ENTHD1: variants seen among roughly 807,000 people sequenced by gnomAD.
ENTHD1 encodes the protein ENTH domain-containing protein 1.
A neutral mutation model predicts 39.1 loss-of-function variants in ENTHD1; 23 were observed. The ratio of observed to expected loss-of-function variants is 0.59; its 90% CI spans 0.42 to 0.83. The LOEUF (loss-of-function observed/expected upper bound fraction) is 0.83, where lower values mean the gene tolerates loss of function less well. ENTHD1 is among the 40% of genes least tolerant of loss of function. ENTHD1 has a pLI of 0.00. For synonymous variants in ENTHD1, 230 were observed against 258.2 expected (o/e 0.89, Z 1.05); for missense variants, 624 against 705.4 (o/e 0.88, Z 1.31).
At chr22:39,790,508 C>A (rs1437270073) in intron 5 of ENTHD1, among the ~76,000 whole-genome samples, 3 of 152,170 alleles carry the variant, frequency 2.0e-5, no homozygotes. Flanking sequence ...CTGCTGAGGT[C>A]TTTCTGCCCT....
intron 5 of ENTHD1, among the ~76,000 whole-genome samples, chr22:39,788,984 A>G (rs2065482036): frequency 6.6e-6 from 1 of 152,212 alleles, no homozygotes. Context: ...CATAACTTCT[A>G]CATGCAGTGG....
intron 5 of ENTHD1, 104 bp from the exon 6 acceptor site, chr22:39,765,713 A>G (rs1485300467): frequency 4.2e-6 from 5 of 1,176,698 alleles, no homozygotes; most frequent in Non-Finnish European, 5.8e-6. Flanking sequence ...ATGTCATAAC[A>G]GAATTCTTTC....
chr22:39,771,010 C>T (rs1253891822), intron 5 of ENTHD1, among the ~76,000 whole-genome samples: 2 of 152,160 alleles, frequency 1.3e-5, no homozygotes, highest in Non-Finnish European at 2.9e-5. Flanking sequence ...GATGTTTGAG[C>T]ATCACGTAGT....
chr22:39,750,968 T>C (rs1330999962), intron 6 of ENTHD1: 1 of 153,736 alleles, frequency 6.5e-6, no homozygotes, highest in Non-Finnish European at 1.5e-5. Flanking sequence ...AAAGATGTTC[T>C]AAACATGTTG....
intron 5 of ENTHD1, among the ~76,000 whole-genome samples, chr22:39,772,611 G>A (rs988562951): frequency 1.3e-5 from 2 of 152,108 alleles, no homozygotes; most frequent in African/African-American, 4.8e-5. Flanking sequence ...GACAAAACAA[G>A]GAGAAAGTAA....
intron 2 of ENTHD1, among the ~76,000 whole-genome samples, chr22:39,864,731 C>G (rs765070272): frequency 6.6e-6 from 1 of 152,002 alleles, no homozygotes; most frequent in Non-Finnish European, 1.5e-5. Flanking sequence ...GTCTCTACTA[C>G]AAACACAAAA....
intron 6 of ENTHD1, among the ~76,000 whole-genome samples, chr22:39,749,669 G>T (rs1392154617): frequency 6.6e-6 from 1 of 152,178 alleles, no homozygotes; most frequent in Non-Finnish European, 1.5e-5. Context: ...TTTCCTAGCT[G>T]ATATACAATG....
intron 6 of ENTHD1, among the ~76,000 whole-genome samples, chr22:39,746,433 T>G (rs1251208071): frequency 6.6e-6 from 1 of 152,166 alleles, no homozygotes; most frequent in Non-Finnish European, 1.5e-5. Flanking sequence ...CCCTTCATAG[T>G]GTATGTTTCC....
intron 5 of ENTHD1, among the ~76,000 whole-genome samples, chr22:39,813,103 G>A (rs2065706459): frequency 6.6e-6 from 1 of 152,094 alleles, no homozygotes; most frequent in Non-Finnish European, 1.5e-5. Context: ...TCTTCACAGG[G>A]AGAGACACAT....
Position 39,743,456 on chromosome 22 carries a change from CTAA to C in ENTHD1, c.*220_*222del, listed in dbSNP as rs2065074985. 2.1e-6 allele frequency: 1 copy of C among 470,884 alleles called. No individual in the cohort carries two copies. The highest frequency in any genetic ancestry group is 4.0e-5 in the Admixed American group (1 of 25,282). 29.2% of individuals were successfully genotyped at this position (470,884 alleles called of 1,614,324 possible). Reference sequence around the variant, plus strand: ...GAAATTCTCTTCTGTTTCAAATGAACTAATATCTAAATCTGAAATTATCAAAGG... The same window carrying C: ...GAAATTCTCTTCTGTTTCAAATGAACTATCTAAATCTGAAATTATCAAAGG... On this transcript the variant is annotated 3_prime_UTR_variant, in exon 7 of 7. Coordinates refer to ENST00000325157, the MANE Select transcript of ENTHD1 (RefSeq NM_152512.4).
chr22:39,763,016 G>A (rs1022265017), intron 6 of ENTHD1, among the ~76,000 whole-genome samples: 1 of 151,786 alleles, frequency 6.6e-6, no homozygotes, highest in Non-Finnish European at 1.5e-5. Flanking sequence ...GGATTGAATT[G>A]TCTTCTGGAA....
At chr22:39,818,554 T>C (rs758446895) in intron 5 of ENTHD1, among the ~76,000 whole-genome samples, 4 of 152,338 alleles carry the variant, frequency 2.6e-5, no homozygotes, top group Middle Eastern at 3.4e-3. Flanking sequence ...GCCCATAGTC[T>C]GGCTGGGACC....
chr22:39,746,998 C>CT (rs953650536), intron 6 of ENTHD1, among the ~76,000 whole-genome samples: 4 of 151,960 alleles, frequency 2.6e-5, no homozygotes, highest in East Asian at 1.9e-4. Context: ...TTTGTTTTTT[C>CT]TTTTTTTTAG....
At chr22:39,812,457 T>C (rs2065696324) in intron 5 of ENTHD1, among the ~76,000 whole-genome samples, 1 of 152,212 alleles carries the variant, frequency 6.6e-6, no homozygotes, top group Non-Finnish European at 1.5e-5. Flanking sequence ...GCACACAATG[T>C]GAAGATATTT....
chr22:39,755,892 C>T (rs1351387701), intron 6 of ENTHD1, among the ~76,000 whole-genome samples: 1 of 152,130 alleles, frequency 6.6e-6, no homozygotes, highest in Non-Finnish European at 1.5e-5. Flanking sequence ...AGATACTGAC[C>T]TGCAAGAGGT....
intron 3 of ENTHD1, among the ~76,000 whole-genome samples, chr22:39,839,606 T>G (rs1305141514): frequency 6.6e-6 from 1 of 152,238 alleles, no homozygotes; most frequent in African/African-American, 2.4e-5. Context: ...AGTGAATAAT[T>G]AAAATGAGCT....
rs554573128 is a variant in ENTHD1 at position 39,771,474 on chromosome 22, A to AAAAAC, written c.833-5870_833-5866dup. Among the ~76,000 whole-genome samples, 856 of 152,302 alleles carry AAAAAC rather than the reference A, an allele frequency of 5.6e-3. 3 individuals are homozygous for AAAAAC. Among genetic ancestry groups the AAAAAC allele is most frequent in the Admixed American group, 0.01 (158 of 15,296 alleles). On this transcript the variant is annotated intron_variant, in intron 5 of 6. Transcript: ENST00000325157. ...ACTGGAAAGGGGAGAAATCTGGTTA[A>AAAAAC]AAAACAAAACAAAACAAAACAAACA...
intron 6 of ENTHD1, among the ~76,000 whole-genome samples, chr22:39,749,231 C>T (rs961120898): frequency 3.9e-5 from 6 of 152,326 alleles, no homozygotes; most frequent in Admixed American, 2.0e-4. Flanking sequence ...TGCCCAGGCT[C>T]ACTACAGAAG....
chr22:39,862,819 G>A (rs1336295051), intron 2 of ENTHD1, among the ~76,000 whole-genome samples: 3 of 152,152 alleles, frequency 2.0e-5, no homozygotes, highest in Non-Finnish European at 2.9e-5. Flanking sequence ...CAAAATTCAA[G>A]TACTGCCAAT....
Sources: gnomAD v4.1 joint callset for allele counts (sites outside exome capture counted in the v4.1 genomes callset) on GRCh38, gnomAD v4.1.1 for gene constraint, MANE v1.5 for transcripts, NCBI Gene and HGNC (gene_info 2026-07-23, HGNC 2026-07-21) for gene names.